The following ATG10 variants were observed in gnomAD, a reference collection of about 807,000 sequenced individuals.
ATG10 encodes autophagy related 10.
Under a neutral mutation model 32.1 loss-of-function variants are expected in ATG10, and 30 were observed. The ratio of observed to expected loss-of-function variants is 0.94; its 90% CI spans 0.70 to 1.27. ATG10 has a LOEUF of 1.27. Ranked by LOEUF, ATG10 falls within the 50% of genes most tolerant of loss-of-function variation. The probability of loss-of-function intolerance (pLI) is 0.00; values close to 1 mark genes in which losing one functional copy is unlikely to be tolerated. For synonymous variants in ATG10, 87 were observed against 91.5 expected (o/e 0.95, Z 0.28); for missense variants, 233 against 262.3 (o/e 0.89, Z 0.77).
chr5:82,028,026 G>A (rs1041277412), intron 2 of ATG10, among the ~76,000 whole-genome samples: 1 of 152,180 alleles, frequency 6.6e-6, no homozygotes, highest in African/African-American at 2.4e-5. Context: ...AAATAAACCA[G>A]TTACAAGGTC....
At chr5:82,014,347 A>G (rs1040545800) in intron 2 of ATG10, among the ~76,000 whole-genome samples, 21 of 152,168 alleles carry the variant, frequency 1.4e-4, no homozygotes, top group Middle Eastern at 6.8e-3. Flanking sequence ...TATTAGGTCC[A>G]CTTGGTGCAG....
intron 2 of ATG10, among the ~76,000 whole-genome samples, chr5:82,020,696 T>G (rs1333065138): frequency 6.6e-6 from 1 of 152,166 alleles, no homozygotes; most frequent in East Asian, 1.9e-4. Flanking sequence ...CAGCCTGAGC[T>G]TGTTCTCATG....
At chr5:82,176,603 CAT>C (rs1425039640) in intron 4 of ATG10, among the ~76,000 whole-genome samples, 1 of 152,118 alleles carries the variant, frequency 6.6e-6, no homozygotes, top group East Asian at 1.9e-4. Context: ...CACGCACACA[CAT>C]ACACATATGC....
At chr5:81,994,975 T>A (rs1317858274) in intron 2 of ATG10, among the ~76,000 whole-genome samples, 2 of 152,174 alleles carry the variant, frequency 1.3e-5, no homozygotes, top group African/African-American at 4.8e-5. Flanking sequence ...ACAGAAAGAA[T>A]CCCAGGTGGT....
intron 2 of ATG10, among the ~76,000 whole-genome samples, chr5:81,991,446 C>T (rs1479318275): frequency 6.6e-6 from 1 of 152,056 alleles, no homozygotes; most frequent in East Asian, 1.9e-4. Context: ...CAAGAGTGAA[C>T]ATATTCATCA....
chr5:82,188,101 A>G (rs1744522769), intron 5 of ATG10, among the ~76,000 whole-genome samples: 1 of 152,208 alleles, frequency 6.6e-6, no homozygotes, highest in African/African-American at 2.4e-5. Flanking sequence ...TATTGTATTG[A>G]TTTCTAAGAT....
intron 3 of ATG10, among the ~76,000 whole-genome samples, chr5:82,124,866 A>C (rs1245245274): frequency 1.3e-5 from 2 of 152,168 alleles, no homozygotes; most frequent in African/African-American, 4.8e-5. Context: ...GAATTGCCAC[A>C]CTGTCTTCCA....
intron 2 of ATG10, chr5:82,009,718 G>A: frequency 6.3e-7 from 1 of 1,590,486 alleles, no homozygotes; most frequent in East Asian, 2.2e-5. Flanking sequence ...CAGATCACAT[G>A]CATGCCATCC....
intron 2 of ATG10, among the ~76,000 whole-genome samples, chr5:82,009,385 A>T (rs537627598): frequency 3.0e-4 from 45 of 152,040 alleles, no homozygotes; most frequent in Admixed American, 5.9e-4. Flanking sequence ...ATATATATAT[A>T]TTTTTTGTTA....
intron 5 of ATG10, among the ~76,000 whole-genome samples, chr5:82,251,521 A>C (rs1009520361): frequency 1.6e-4 from 25 of 152,172 alleles, no homozygotes; most frequent in Middle Eastern, 3.2e-3. Context: ...GCATTCCCAC[A>C]TGGGACAGTT....
intron 2 of ATG10, among the ~76,000 whole-genome samples, chr5:81,999,907 G>A (rs2149682414): frequency 6.6e-6 from 1 of 152,256 alleles, no homozygotes; most frequent in South Asian, 2.1e-4. Context: ...ACCAGTAAAA[G>A]CCCAGGACCA....
intron 5 of ATG10, among the ~76,000 whole-genome samples, chr5:82,195,994 C>T (rs913136878): frequency 6.6e-6 from 1 of 152,144 alleles, no homozygotes; most frequent in Non-Finnish European, 1.5e-5. Context: ...TTTATATTCC[C>T]ACCAGGAATG....
At chr5:82,140,186 G>A (rs1767031139) in intron 3 of ATG10, among the ~76,000 whole-genome samples, 1 of 86,632 alleles carries the variant, frequency 1.2e-5, no homozygotes, top group Non-Finnish European at 2.4e-5. Flanking sequence ...CCGTCCGGGA[G>A]GGAGGTGGGG....
intron 3 of ATG10, among the ~76,000 whole-genome samples, chr5:82,127,590 G>A (rs188335332): frequency 6.0e-4 from 91 of 152,194 alleles, no homozygotes; most frequent in South Asian, 4.1e-3. Flanking sequence ...GCAGTTGTGC[G>A]GTTTTGAGTG....
intron 3 of ATG10, among the ~76,000 whole-genome samples, chr5:82,059,367 C>A (rs1214302481): frequency 6.8e-6 from 1 of 146,430 alleles, no homozygotes; most frequent in Non-Finnish European, 1.5e-5. Context: ...TAGTAAGTAT[C>A]CTTTCACATA....
intron 5 of ATG10, among the ~76,000 whole-genome samples, chr5:82,248,139 T>A (rs1420116502): frequency 1.3e-5 from 2 of 152,164 alleles, no homozygotes; most frequent in African/African-American, 4.8e-5. Flanking sequence ...CCACTGAACA[T>A]CCCCTTCCCA....
At chr5:82,149,349 C>T (rs1478854244) in intron 3 of ATG10, among the ~76,000 whole-genome samples, 3 of 151,320 alleles carry the variant, frequency 2.0e-5, no homozygotes, top group Admixed American at 6.6e-5. Context: ...CTCCTGAAAT[C>T]GCTTTCCAAA....
At position 82,183,394 on chromosome 5, in the gene ATG10, A is replaced by AT. The variant is rs35175685; in HGVS notation, c.453+4817dup. ...TGTTCTGTAGTGTTTTGCAGTCTTG[A>AT]TTTTTTTTTTCTAATTGTATTTCTG... On this transcript the variant is annotated intron_variant, in intron 5 of 7. Coordinates refer to ENST00000282185, the MANE Select transcript of ATG10 (RefSeq NM_031482.5). Among the ~76,000 whole-genome samples, 426 of 147,506 alleles carry AT rather than the reference A, an allele frequency of 2.9e-3. 3 individuals are homozygous for AT. The highest frequency in any genetic ancestry group is 9.9e-3 in the African/African-American group (397 of 39,936).
At chr5:82,011,520 GAT>G (rs1197338838) in intron 2 of ATG10, among the ~76,000 whole-genome samples, 1 of 152,078 alleles carries the variant, frequency 6.6e-6, no homozygotes. Context: ...CATTATTCAG[GAT>G]ATAGTTCAGT....
Sources: allele counts gnomAD v4.1 joint callset (sites outside exome capture counted in the v4.1 genomes callset), GRCh38; gene constraint gnomAD v4.1.1; transcripts MANE v1.5; gene names NCBI Gene and HGNC (gene_info 2026-07-23, HGNC 2026-07-21).